Variants in RBMS3 observed in about 807,000 individuals in gnomAD.
RBMS3 encodes RNA binding motif single stranded interacting protein 3.
Under a neutral mutation model 66.8 loss-of-function variants are expected in RBMS3, and 27 were observed. That is an observed-to-expected ratio of 0.40 (90% CI 0.30 to 0.56). The LOEUF is 0.56. RBMS3 is among the 20% of genes least tolerant of loss of function. RBMS3 has a pLI of 0.40. For missense variants in RBMS3, 513 were observed against 549.5 expected, an observed-to-expected ratio of 0.93 and a Z score of 0.66; for synonymous variants, 188 against 183.0, an observed-to-expected ratio of 1.03 and a Z score of -0.22.
At chr3:29,451,380 A>G (rs2042013226) in intron 2 of RBMS3, among the ~76,000 whole-genome samples, 1 of 152,188 alleles carries the variant, frequency 6.6e-6, no homozygotes, top group Admixed American at 6.6e-5. Flanking sequence ...TGCAAGAATT[A>G]GTGCTAACTC....
At chr3:29,786,505 C>A (rs894353953) in intron 6 of RBMS3, among the ~76,000 whole-genome samples, 2 of 152,136 alleles carry the variant, frequency 1.3e-5, no homozygotes, top group South Asian at 4.2e-4. Context: ...GCGCATAGAC[C>A]AATGGAACAG....
intron 6 of RBMS3, among the ~76,000 whole-genome samples, chr3:29,866,723 TATAAC>T (rs775443793): frequency 1.6e-4 from 24 of 152,312 alleles, no homozygotes; most frequent in East Asian, 3.9e-4. Context: ...TTACAGTACT[TATAAC>T]ATAAAGAATT....
Position 29,973,364 on chromosome 3 carries a change from G to A in RBMS3, c.1099-14779G>A, listed in dbSNP as rs183978088. 2.0e-5 allele frequency among the ~76,000 whole-genome samples: 3 copies of A among 152,000 alleles called. No individual in the cohort carries two copies. The East Asian group carries it at 5.8e-4, about 29-fold the overall frequency. On this transcript the variant is annotated intron_variant, in intron 12 of 14. Coordinates refer to ENST00000383767, the MANE Select transcript of RBMS3 (RefSeq NM_001003793.3). ...ATCTACTTGGTTCCTGGGTACTATG[G>A]TGAATGTAATATTGGCAATGATAAA...
At position 29,645,395 on chromosome 3, in the gene RBMS3, G is replaced by T. The variant is rs531432139; in HGVS notation, c.399+58190G>T. On this transcript the variant is annotated intron_variant, in intron 4 of 14. Coordinates refer to ENST00000383767, the MANE Select transcript of RBMS3 (RefSeq NM_001003793.3). ...TATTCATTCTCTGCCAGGGTGTCTGGTGCTGTCCAAGGAATGTCCCAGGAC... is the reference window on the plus strand; with the variant it reads ...TATTCATTCTCTGCCAGGGTGTCTGTTGCTGTCCAAGGAATGTCCCAGGAC... 4.6e-5 allele frequency among the ~76,000 whole-genome samples: 7 copies of T among 152,314 alleles called. No individual in the cohort carries two copies. In the South Asian group the frequency reaches 1.4e-3, roughly 32 times the overall value.
At chr3:29,929,358 C>T (rs2149675682) in intron 10 of RBMS3, among the ~76,000 whole-genome samples, 1 of 152,208 alleles carries the variant, frequency 6.6e-6, no homozygotes, top group Non-Finnish European at 1.5e-5. Flanking sequence ...TAAAATAAAG[C>T]ATTATTGAGA....
At chr3:29,540,713 T>C (rs188619656) in intron 3 of RBMS3, among the ~76,000 whole-genome samples, 2 of 152,260 alleles carry the variant, frequency 1.3e-5, no homozygotes, top group East Asian at 3.9e-4. Flanking sequence ...TGAGCTAAGA[T>C]TGCACCCAGG....
At chr3:29,555,215 T>C (rs1303631198) in intron 3 of RBMS3, among the ~76,000 whole-genome samples, 2 of 152,194 alleles carry the variant, frequency 1.3e-5, no homozygotes, top group Non-Finnish European at 2.9e-5. Flanking sequence ...ACTTCAGTCA[T>C]TGACCTTAAG....
rs111781864 is a variant in RBMS3, at chr3:29,805,137, G to T, written c.637+42148G>T. On this transcript the variant is annotated intron_variant, in intron 6 of 14. Transcript: ENST00000383767. ...GTTAATGATGGACTGTGTATATGAT[G>T]GCGGTCTCATCGTATTATAATGGAG... 2.9e-3 allele frequency among the ~76,000 whole-genome samples: 440 copies of T among 152,046 alleles called. 6 individuals are homozygous for T. Among genetic ancestry groups the T allele is most frequent in the African/African-American group, 9.7e-3 (401 of 41,516 alleles).
Position 29,722,155 on chromosome 3 carries a change from T to G in RBMS3, c.400-17565T>G, listed in dbSNP as rs550710362. On this transcript the variant is annotated intron_variant, in intron 4 of 14. Coordinates refer to ENST00000383767, the MANE Select transcript of RBMS3 (RefSeq NM_001003793.3). ...AGGAATACTTTTATATTTTTGGATTTTGGCTATCAAAATTAACAGCTTGTT... is the reference window on the plus strand; with the variant it reads ...AGGAATACTTTTATATTTTTGGATTGTGGCTATCAAAATTAACAGCTTGTT... 2.6e-5 allele frequency among the ~76,000 whole-genome samples: 4 copies of G among 152,314 alleles called. No individual in the cohort carries two copies. In the South Asian group the frequency reaches 8.3e-4, roughly 32 times the overall value.
intron 1 of RBMS3, among the ~76,000 whole-genome samples, chr3:29,304,307 A>T (rs2033872318): frequency 6.6e-6 from 1 of 151,966 alleles, no homozygotes; most frequent in Non-Finnish European, 1.5e-5. Flanking sequence ...GTACATATTA[A>T]AGTAATGGTA....
chr3:29,325,541 CAT>C (rs1197874588), intron 1 of RBMS3, among the ~76,000 whole-genome samples: 2 of 149,204 alleles, frequency 1.3e-5, no homozygotes, highest in Non-Finnish European at 3.0e-5. Context: ...TATGTATATA[CAT>C]GTGTGTATAT....
chr3:29,410,854 C>T (rs1210357456), intron 1 of RBMS3, among the ~76,000 whole-genome samples: 1 of 151,622 alleles, frequency 6.6e-6, no homozygotes, highest in African/African-American at 2.4e-5. Context: ...TCAGCTGTTG[C>T]TGATAGCTGT....
intron 4 of RBMS3, among the ~76,000 whole-genome samples, chr3:29,617,307 C>T (rs937365812): frequency 1.3e-5 from 2 of 152,120 alleles, no homozygotes; most frequent in African/African-American, 4.8e-5. Context: ...GCAGACTTGA[C>T]TTAATGGTTA....
intron 6 of RBMS3, among the ~76,000 whole-genome samples, chr3:29,819,533 C>G (rs2058017460): frequency 6.6e-6 from 1 of 152,116 alleles, no homozygotes; most frequent in Non-Finnish European, 1.5e-5. Flanking sequence ...AATTGAATAT[C>G]ATGGTTTTGA....
intron 12 of RBMS3, among the ~76,000 whole-genome samples, chr3:29,967,073 G>T (rs1206750802): frequency 6.6e-6 from 1 of 152,076 alleles, no homozygotes; most frequent in Non-Finnish European, 1.5e-5. Context: ...TTCTCATTTT[G>T]TTGTTGGATT....
At chr3:29,973,394 A>G (rs539449920) in intron 12 of RBMS3, among the ~76,000 whole-genome samples, 1 of 152,104 alleles carries the variant, frequency 6.6e-6, no homozygotes, top group African/African-American at 2.4e-5. Context: ...GATAAATAAT[A>G]CCTAAAATTA....
chr3:29,469,647 C>A (rs2042653845), intron 2 of RBMS3, among the ~76,000 whole-genome samples: 1 of 147,954 alleles, frequency 6.8e-6, no homozygotes. Context: ...AGACAACTAA[C>A]ATGGGAAAAA....
intron 3 of RBMS3, among the ~76,000 whole-genome samples, chr3:29,568,495 T>A (rs778036271): frequency 1.2e-4 from 18 of 152,100 alleles, no homozygotes; most frequent in Admixed American, 2.0e-4. Flanking sequence ...GATGAGGGAG[T>A]TGGAGAGAGA....
intron 6 of RBMS3, among the ~76,000 whole-genome samples, chr3:29,826,893 A>G (rs1336048160): frequency 6.6e-6 from 1 of 152,196 alleles, no homozygotes; most frequent in Non-Finnish European, 1.5e-5. Context: ...AAAATTGTAA[A>G]TGATAAAATG....
Sources: allele counts gnomAD v4.1 joint callset (sites outside exome capture counted in the v4.1 genomes callset), GRCh38; gene constraint gnomAD v4.1.1; transcripts MANE v1.5; gene names NCBI Gene and HGNC (gene_info 2026-07-23, HGNC 2026-07-21).